The following IPCEF1 variants were observed in gnomAD, a reference collection of about 807,000 sequenced individuals.
IPCEF1 encodes the protein interactor protein for cytohesin exchange factors 1.
A neutral mutation model predicts 50.9 loss-of-function variants in IPCEF1; 31 were observed. The observed-to-expected ratio is 0.61, with a 90% CI of 0.46 to 0.82. The LOEUF (loss-of-function observed/expected upper bound fraction) is 0.82. Among genes scored for constraint, IPCEF1 ranks in the 40% least tolerant of loss-of-function variants. The probability of loss-of-function intolerance (pLI) is 0.00; values close to 1 mark genes in which losing one functional copy is unlikely to be tolerated. For missense variants in IPCEF1, 458 were observed against 514.0 expected (o/e 0.89, Z 1.05); for synonymous variants, 181 against 192.0 (o/e 0.94, Z 0.47).
Position 154,159,849 on chromosome 6 carries a change from G to T in IPCEF1, c.1296C>A (p.Pro432=). ...TGTCTCAAATGGAATTTTCAACAGA[G>T]GGAGAAGAAGGTGATTTCTTGAGTT... ...PQELKKSPSS[P]SVENSI The change falls in exon 12 of 12, where the codon CCC becomes CCA. Residue 432 remains proline (P), a synonymous_variant. Coordinates refer to ENST00000367220, the MANE Select transcript of IPCEF1 (RefSeq NM_001130700.2). 1 of 1,611,186 alleles carries T rather than the reference G, an allele frequency of 6.2e-7. No individual in the cohort carries two copies. The highest frequency in any genetic ancestry group is 8.5e-7 in the Non-Finnish European group (1 of 1,179,304).
At chr6:154,223,085 T>G in intron 6 of IPCEF1, 85 bp downstream of exon 6, 1 of 1,098,488 alleles carries the variant, frequency 9.1e-7, no homozygotes, top group East Asian at 2.4e-5. Context: ...CTTCACTCAC[T>G]TCTAAATCAC....
intron 1 of IPCEF1, among the ~76,000 whole-genome samples, chr6:154,355,606 A>G (rs1472865974): frequency 1.3e-5 from 2 of 151,534 alleles, no homozygotes; most frequent in African/African-American, 2.4e-5. Context: ...CTCCTGCCTC[A>G]GCTTCCCAGG....
intron 1 of IPCEF1, among the ~76,000 whole-genome samples, chr6:154,340,081 C>G (rs1297974379): frequency 6.7e-6 from 1 of 148,924 alleles, no homozygotes; most frequent in Non-Finnish European, 1.5e-5. Flanking sequence ...CTTCCCGAGT[C>G]TCTAGAGTGA....
intron 10 of IPCEF1, among the ~76,000 whole-genome samples, chr6:154,182,906 G>A (rs1231872961): frequency 6.6e-6 from 1 of 152,144 alleles, no homozygotes; most frequent in Non-Finnish European, 1.5e-5. Flanking sequence ...GGAGGCAAGA[G>A]AAAGGAAGAA....
At chr6:154,243,396 CTCT>C in intron 5 of IPCEF1, among the ~76,000 whole-genome samples, 1 of 152,174 alleles carries the variant, frequency 6.6e-6, no homozygotes, top group South Asian at 2.1e-4. Flanking sequence ...GCAGATGAGC[CTCT>C]GGACTTGACC....
At chr6:154,267,296 G>A (rs1023291343) in intron 2 of IPCEF1, among the ~76,000 whole-genome samples, 1 of 151,352 alleles carries the variant, frequency 6.6e-6, no homozygotes, top group African/African-American at 2.4e-5. Context: ...AAGGAAAATT[G>A]AAAAAATAAA....
chr6:154,312,396 G>T (rs1051885183), intron 1 of IPCEF1, among the ~76,000 whole-genome samples: 5 of 152,148 alleles, frequency 3.3e-5, no homozygotes, highest in Admixed American at 1.3e-4. Flanking sequence ...GCCAGGGCTG[G>T]AGTGCAGTGT....
intron 1 of IPCEF1, among the ~76,000 whole-genome samples, chr6:154,346,044 C>T (rs1023742035): frequency 6.6e-6 from 1 of 151,902 alleles, no homozygotes; most frequent in African/African-American, 2.4e-5. Context: ...TTTTTGTATA[C>T]TTTTTGGTAA....
chr6:154,230,151 G>T (rs534874837), intron 5 of IPCEF1, among the ~76,000 whole-genome samples: 41 of 152,090 alleles, frequency 2.7e-4, no homozygotes, highest in Non-Finnish European at 4.7e-4. Flanking sequence ...TGCATCACTT[G>T]GTAAATCTAC....
chr6:154,256,082 A>G (rs1267282344), intron 3 of IPCEF1, among the ~76,000 whole-genome samples: 1 of 152,186 alleles, frequency 6.6e-6, no homozygotes, highest in African/African-American at 2.4e-5. Context: ...GGACTGCTGT[A>G]ACAGAGTACC....
At chr6:154,259,911 C>T (rs1781553870) in intron 3 of IPCEF1, among the ~76,000 whole-genome samples, 1 of 152,064 alleles carries the variant, frequency 6.6e-6, no homozygotes. Context: ...GTTGATGTAG[C>T]CTGAAAGCAA....
rs375049150 is a variant in IPCEF1, at chr6:154,229,576, T to G, written c.247-6333A>C. Among the ~76,000 whole-genome samples the G allele has an allele frequency of 3.9e-5, 6 of 152,108 alleles. No individual in the cohort carries two copies. The East Asian group carries it at 7.7e-4, about 20-fold the overall frequency. On this transcript the variant is annotated intron_variant, in intron 5 of 11. Transcript: ENST00000367220. ...GTTCGCCGTGTTAGCCAGGACGGTC[T>G]CGATCTCCTGACCTCATGATCTGCC...
chr6:154,191,494 T>C (rs1801879839), intron 10 of IPCEF1, among the ~76,000 whole-genome samples: 1 of 152,052 alleles, frequency 6.6e-6, no homozygotes, highest in Admixed American at 6.5e-5. Flanking sequence ...GACAACATAG[T>C]GAAACCCTGT....
chr6:154,354,054 C>G (rs938050696), intron 1 of IPCEF1, among the ~76,000 whole-genome samples: 2 of 152,190 alleles, frequency 1.3e-5, no homozygotes, highest in African/African-American at 4.8e-5. Context: ...AACTTGAAAA[C>G]TGATATCGAT....
intron 1 of IPCEF1, among the ~76,000 whole-genome samples, chr6:154,302,715 T>C (rs1782829183): frequency 6.6e-6 from 1 of 151,864 alleles, no homozygotes; most frequent in African/African-American, 2.4e-5. Flanking sequence ...GCTTGAGCGA[T>C]CCCCCAGCCT....
At chr6:154,264,029 T>A in intron 3 of IPCEF1, among the ~76,000 whole-genome samples, 1 of 143,312 alleles carries the variant, frequency 7.0e-6, no homozygotes, top group Non-Finnish European at 1.5e-5. Flanking sequence ...CCTCCCAGAC[T>A]GTAAATGAGT....
rs181273162 is a variant in IPCEF1, at chr6:154,317,236, T to C, written c.-61-27480A>G. Among the ~76,000 whole-genome samples the C allele has an allele frequency of 1.1e-4, 17 of 151,994 alleles. No individual in the cohort carries two copies. In the East Asian group the frequency reaches 3.1e-3, roughly 28 times the overall value. On this transcript the variant is annotated intron_variant, in intron 1 of 11. Coordinates refer to ENST00000367220, the MANE Select transcript of IPCEF1 (RefSeq NM_001130700.2). ...GAATTCCTCCAACTCGATAATAAAA[T>C]GACAAGTAGACCAATTAAAAATGAG... is the stretch of plus-strand genomic sequence containing the variant.
chr6:154,223,256 T>C lies in IPCEF1; in HGVS notation c.247-13A>G, dbSNP rs753814770. ...CAGCTTTCTCTGCCTGAAACAAATA[T>C]ATACCACAAATAGGAATGAATGCAT... On this transcript the variant is annotated splice_polypyrimidine_tract_variant and intron_variant, in intron 5 of 11. Coordinates refer to ENST00000367220, the MANE Select transcript of IPCEF1 (RefSeq NM_001130700.2). 8 of 1,602,834 alleles carry C rather than the reference T, an allele frequency of 5.0e-6. No homozygotes were observed. In the South Asian group the frequency reaches 8.8e-5, roughly 18 times the overall value.
chr6:154,269,659 T>C (rs1005261249), intron 2 of IPCEF1, among the ~76,000 whole-genome samples: 1 of 152,172 alleles, frequency 6.6e-6, no homozygotes, highest in African/African-American at 2.4e-5. Flanking sequence ...TTGAAGTAGT[T>C]GAAACATATG....
Sources: allele counts gnomAD v4.1 joint callset (sites outside exome capture counted in the v4.1 genomes callset), GRCh38; gene constraint gnomAD v4.1.1; transcripts MANE v1.5; gene names NCBI Gene and HGNC (gene_info 2026-07-23, HGNC 2026-07-21).